PDZD2: variants seen among roughly 807,000 people sequenced by gnomAD.
PDZD2 encodes the protein PDZ domain-containing protein 2.
Under a neutral mutation model 220.7 loss-of-function variants are expected in PDZD2, and 90 were observed. The observed-to-expected ratio is 0.41, with a 90% CI of 0.34 to 0.49. The LOEUF (loss-of-function observed/expected upper bound fraction) is 0.49. Among genes scored for constraint, PDZD2 ranks in the 20% least tolerant of loss-of-function variants. The pLI is 0.28. For missense variants in PDZD2, 3,174 were observed against 3,608.5 expected (o/e 0.88, Z 3.08); for synonymous variants, 1,375 against 1,450.5 (o/e 0.95, Z 1.18).
chr5:31,934,703 G>A (rs988055805), intron 2 of PDZD2, among the ~76,000 whole-genome samples: 2 of 150,344 alleles, frequency 1.3e-5, no homozygotes, highest in African/African-American at 4.9e-5. Flanking sequence ...ATGTCTCACT[G>A]TGACTGGAAC....
At chr5:31,860,810 C>G (rs879241724) in intron 2 of PDZD2, among the ~76,000 whole-genome samples, 1 of 152,172 alleles carries the variant, frequency 6.6e-6, no homozygotes, top group East Asian at 1.9e-4. Context: ...GATGCTATGA[C>G]TTATCAGGGT....
At position 31,755,527 on chromosome 5, in the gene PDZD2, G is replaced by A. The variant is rs572504553; in HGVS notation, c.-360-43362G>A. Among the ~76,000 whole-genome samples the A allele has an allele frequency of 3.9e-5, 6 of 152,058 alleles. No individual in the cohort carries two copies. In the South Asian group the frequency reaches 1.0e-3, roughly 26 times the overall value. On this transcript the variant is annotated intron_variant, in intron 1 of 24. Transcript: ENST00000438447. ...CTTCTCTCTCTCCTCGAATGAGTAC[G>A]CTTTGTTCCTGGAGGCTCCAACTCC...
At chr5:31,977,008 G>T (rs1336191843) in intron 2 of PDZD2, among the ~76,000 whole-genome samples, 1 of 150,056 alleles carries the variant, frequency 6.7e-6, no homozygotes, top group African/African-American at 2.5e-5. Context: ...GAGCCAACGC[G>T]CCTGGCCAGT....
intron 2 of PDZD2, among the ~76,000 whole-genome samples, chr5:31,886,145 TGTCTTG>T: frequency 6.6e-6 from 1 of 152,286 alleles, no homozygotes; most frequent in Admixed American, 6.5e-5. Context: ...TTGATCCGCC[TGTCTTG>T]GCCTCCCAAA....
At chr5:31,989,562 A>G (rs1473554102) in intron 3 of PDZD2, among the ~76,000 whole-genome samples, 2 of 151,616 alleles carry the variant, frequency 1.3e-5, no homozygotes, top group Admixed American at 6.6e-5. Context: ...AGCTGGGACT[A>G]TAGGCACACG....
At chr5:31,722,782 C>T (rs1200164116) in intron 1 of PDZD2, among the ~76,000 whole-genome samples, 2 of 151,966 alleles carry the variant, frequency 1.3e-5, no homozygotes, top group Non-Finnish European at 2.9e-5. Flanking sequence ...CTCTGCCTCC[C>T]GGGCTCAAGC....
At chr5:32,086,501 G>A (rs983742725) in intron 19 of PDZD2, among the ~76,000 whole-genome samples, 1 of 152,142 alleles carries the variant, frequency 6.6e-6, no homozygotes, top group African/African-American at 2.4e-5. Flanking sequence ...AATACCAAAA[G>A]AGAGAAAAAT....
At chr5:31,988,736 T>G (rs1750928150) in intron 3 of PDZD2, among the ~76,000 whole-genome samples, 2 of 152,166 alleles carry the variant, frequency 1.3e-5, no homozygotes, top group African/African-American at 4.8e-5. Flanking sequence ...TGGAGTGAAT[T>G]CACTGCAAGC....
At chr5:31,824,308 C>T (rs778763223) in intron 2 of PDZD2, among the ~76,000 whole-genome samples, 3 of 152,170 alleles carry the variant, frequency 2.0e-5, no homozygotes, top group Non-Finnish European at 4.4e-5. Flanking sequence ...TGCTCCAAAG[C>T]TTCTACATTT....
At position 31,789,998 on chromosome 5, in the gene PDZD2, CT is replaced by C. The variant is rs1349326187; in HGVS notation, c.-360-8889del. Among the ~76,000 whole-genome samples the C allele has an allele frequency of 5.3e-5, 8 of 152,290 alleles. No individual in the cohort carries two copies. The Middle Eastern group carries it at 0.01, about 194-fold the overall frequency. On this transcript the variant is annotated intron_variant, in intron 1 of 24. Transcript: ENST00000438447. ...CACTGTCCATAGCTATGACCAAATC[CT>C]TCTGGCCAAGAATAGCAAGGGTCCT...
intron 2 of PDZD2, among the ~76,000 whole-genome samples, chr5:31,921,049 A>G (rs567254280): frequency 1.3e-5 from 2 of 152,310 alleles, no homozygotes; most frequent in South Asian, 4.1e-4. Flanking sequence ...AGTTTTGGCA[A>G]TTATGAATGA....
chr5:31,931,700 G>C (rs1202788103), intron 2 of PDZD2, among the ~76,000 whole-genome samples: 1 of 152,220 alleles, frequency 6.6e-6, no homozygotes, highest in African/African-American at 2.4e-5. Context: ...AGACTGAAAA[G>C]GGGGCCAGAG....
chr5:31,696,483 G>A (rs1351666924), intron 1 of PDZD2, among the ~76,000 whole-genome samples: 1 of 151,936 alleles, frequency 6.6e-6, no homozygotes, highest in Non-Finnish European at 1.5e-5. Flanking sequence ...TTTTTGTAGA[G>A]ATGGGGGTAG....
At chr5:32,078,944 G>C (rs1165806780) in intron 19 of PDZD2, among the ~76,000 whole-genome samples, 1 of 152,004 alleles carries the variant, frequency 6.6e-6, no homozygotes, top group East Asian at 1.9e-4. Context: ...TTCCTTGTTA[G>C]TGGAGACCTT....
chr5:31,769,194 C>T (rs1268154218), intron 1 of PDZD2, among the ~76,000 whole-genome samples: 2 of 151,644 alleles, frequency 1.3e-5, no homozygotes, highest in East Asian at 1.9e-4. Context: ...TGTGTAGGTC[C>T]GTACTGACCA....
chr5:31,779,752 G>A (rs1752951129), intron 1 of PDZD2, among the ~76,000 whole-genome samples: 3 of 152,064 alleles, frequency 2.0e-5, no homozygotes, highest in African/African-American at 7.2e-5. Flanking sequence ...TGCCTGGCAC[G>A]GGGTAGTGGG....
At chr5:32,010,086 A>AAAAAAAAAAAG (rs1370387543) in intron 5 of PDZD2, among the ~76,000 whole-genome samples, 4 of 151,756 alleles carry the variant, frequency 2.6e-5, no homozygotes, top group South Asian at 4.1e-4. Flanking sequence ...GACTGTCTCA[A>AAAAAAAAAAAG]AAAAAAGAAA....
chr5:31,695,673 A>G (rs554028343), intron 1 of PDZD2, among the ~76,000 whole-genome samples: 1 of 152,200 alleles, frequency 6.6e-6, no homozygotes, highest in South Asian at 2.1e-4. Flanking sequence ...GGGCTGGCTT[A>G]TTTACAGGGC....
chr5:31,689,353 A>ATATATATATATATTTTTT, intron 1 of PDZD2, among the ~76,000 whole-genome samples: 10 of 35,118 alleles, frequency 2.8e-4, no homozygotes, highest in African/African-American at 4.2e-4. Flanking sequence ...ATATATATAT[A>ATATATATATATATTTTTT]TTTTTTTTTT....
Sources: allele counts gnomAD v4.1 joint callset (sites outside exome capture counted in the v4.1 genomes callset), GRCh38; gene constraint gnomAD v4.1.1; transcripts MANE v1.5; gene names NCBI Gene and HGNC (gene_info 2026-07-23, HGNC 2026-07-21).